The following ANGPTL1 variants were observed in gnomAD, a reference collection of about 807,000 sequenced individuals.
ANGPTL1 encodes angiopoietin-related protein 1.
Under a neutral mutation model 46.7 loss-of-function variants are expected in ANGPTL1, and 36 were observed. That is an observed-to-expected ratio of 0.77 (90% CI 0.59 to 1.02). The LOEUF (loss-of-function observed/expected upper bound fraction) is 1.02, where lower values mean the gene tolerates loss of function less well. Among genes scored for constraint, ANGPTL1 ranks in the 50% least tolerant of loss-of-function variants. The pLI is 0.00. For synonymous variants in ANGPTL1, 221 were observed against 204.3 expected (o/e 1.08, Z -0.69); for missense variants, 571 against 594.7 (o/e 0.96, Z 0.41).
At position 178,865,444 on chromosome 1, in the gene ANGPTL1, GT is replaced by G; in HGVS notation, c.332del (p.Asn111ThrfsTer3). 1.2e-6 allele frequency: 2 copies of G among 1,613,952 alleles called. No individual in the cohort carries two copies. Among genetic ancestry groups the G allele is most frequent in the Non-Finnish European group, 1.7e-6 (2 of 1,179,990 alleles). On this transcript the variant is annotated frameshift_variant, in exon 3 of 6. Coordinates refer to ENST00000234816, the MANE Select transcript of ANGPTL1 (RefSeq NM_004673.4). LOFTEE classifies it high-confidence loss of function. ...VLQLVVDVDGNIVNEVKLLRK... is the reference protein window; with the variant it reads ...VLQLVVDVDGXIVNEVKLLRK... ...TCAGCAGCTTTACCTCATTCACAAT[GT>G]TTCCATCTACATCCACCACCAGTTG...
chr1:178,855,919 C>T (rs955511803), intron 3 of ANGPTL1, among the ~76,000 whole-genome samples: 6 of 148,476 alleles, frequency 4.0e-5, no homozygotes, highest in Non-Finnish European at 7.4e-5. Flanking sequence ...TGTTAATACA[C>T]GAATTACATT....
At chr1:178,864,300 T>G (rs576495017) in intron 3 of ANGPTL1, among the ~76,000 whole-genome samples, 2 of 152,158 alleles carry the variant, frequency 1.3e-5, no homozygotes, top group African/African-American at 4.8e-5. Flanking sequence ...ATAATGAACA[T>G]TTATATTTCT....
intron 3 of ANGPTL1, among the ~76,000 whole-genome samples, chr1:178,855,306 T>C (rs1363224495): frequency 6.6e-6 from 1 of 151,618 alleles, no homozygotes; most frequent in African/African-American, 2.4e-5. Flanking sequence ...CTTTTTTTTT[T>C]TTTTTTTACT....
Position 178,865,762 on chromosome 1 carries a change from G to T in ANGPTL1, c.15C>A (p.Thr5=). 1 of 1,582,194 alleles carries T rather than the reference G, an allele frequency of 6.3e-7. No individual in the cohort carries two copies. The highest frequency in any genetic ancestry group is 8.6e-7 in the Non-Finnish European group (1 of 1,167,790). The change falls in exon 3 of 6, where the codon ACC becomes ACA. Residue 5 remains threonine, a synonymous_variant. Coordinates refer to ENST00000234816, the MANE Select transcript of ANGPTL1 (RefSeq NM_004673.4). ...GGAAGAATAGCACACCTAGGGTCCAGGTAAAAGTCTTCATTTTGAAATGAG... is the reference window on the plus strand; with the variant it reads ...GGAAGAATAGCACACCTAGGGTCCATGTAAAAGTCTTCATTTTGAAATGAG... MKTF[T]WTLGVLFFLL... is the part of the protein sequence containing the mutation.
chr1:178,854,123 T>A (rs534423781), intron 3 of ANGPTL1, among the ~76,000 whole-genome samples: 71 of 152,246 alleles, frequency 4.7e-4, no homozygotes, highest in African/African-American at 1.7e-3. Flanking sequence ...ATTGATATAT[T>A]TTTATCCTTC....
chr1:178,865,054 C>A lies in ANGPTL1; in HGVS notation c.723G>T (p.Arg241Ser). 1 of 1,508,892 alleles carries A rather than the reference C, an allele frequency of 6.6e-7. No individual in the cohort carries two copies. The allele number at this position is 1,508,892 out of a possible 1,614,324, so 93.5% of individuals were successfully genotyped here. A position where few individuals can be genotyped will look rare whatever the true frequency, so the allele number is the denominator to read the frequency against. The change falls in exon 3 of 6, where the codon AGG (arginine) becomes AGT (serine). Residue 241 changes from arginine to serine, a missense_variant. Physicochemically the swap from Arg to Ser is moderately radical, Grantham distance 110 (BLOSUM62 -1). Coordinates refer to ENST00000234816, the MANE Select transcript of ANGPTL1 (RefSeq NM_004673.4). Reference protein sequence around the residue: ...PGLLGGNEIQRDPGYPRDLMP... With the variant: ...PGLLGGNEIQSDPGYPRDLMP... ...TTAAATCTCTGGGATAACCTGGATC[C>A]CTCTGAATCTCGTTACCTCCCAGCA... is the stretch of plus-strand genomic sequence containing the variant.
rs1432188258 is a variant in ANGPTL1 at position 178,852,929 on chromosome 1, C to T, written c.1042G>A (p.Glu348Lys). ...YKKGFGNIDG[E>K]YWLGLENIYM... ...ATATTTTCCAGTCCAAGCCAGTATTCTCCGTCAATGTTTCCAAACCCTTTC... is the reference window on the plus strand; with the variant it reads ...ATATTTTCCAGTCCAAGCCAGTATTTTCCGTCAATGTTTCCAAACCCTTTC... Residue 348 changes from glutamate to lysine, a missense_variant, in exon 5 of 6, where the codon GAA becomes AAA. Transcript: ENST00000234816. 2 of 1,612,244 alleles carry T rather than the reference C, an allele frequency of 1.2e-6. No individual in the cohort carries two copies. The highest frequency in any genetic ancestry group is 1.7e-6 in the Non-Finnish European group (2 of 1,179,146).
At chr1:178,856,196 G>GATATATATATATAT (rs1449088390) in intron 3 of ANGPTL1, among the ~76,000 whole-genome samples, 3 of 41,054 alleles carry the variant, frequency 7.3e-5, no homozygotes, top group African/African-American at 3.1e-4. Context: ...TTTCCAGAGA[G>GATATATATATATAT]AGAGAGATAT....
intron 3 of ANGPTL1, among the ~76,000 whole-genome samples, chr1:178,860,911 C>T (rs1657959224): frequency 1.3e-5 from 2 of 152,070 alleles, no homozygotes; most frequent in African/African-American, 4.8e-5. Context: ...TTTTTCCAGA[C>T]AGATGTAAAA....
intron 3 of ANGPTL1, among the ~76,000 whole-genome samples, chr1:178,860,528 C>T (rs1327458690): frequency 6.6e-6 from 1 of 152,072 alleles, no homozygotes; most frequent in African/African-American, 2.4e-5. Flanking sequence ...CAGCCATCAC[C>T]ACCATCCTTC....
At chr1:178,861,992 C>T (rs910005867) in intron 3 of ANGPTL1, among the ~76,000 whole-genome samples, 10 of 152,066 alleles carry the variant, frequency 6.6e-5, no homozygotes, top group African/African-American at 2.4e-4. Context: ...CCTGCCTCAG[C>T]CTCCTGAATA....
chr1:178,852,375 C>T (rs966320193), intron 5 of ANGPTL1, among the ~76,000 whole-genome samples: 23 of 152,170 alleles, frequency 1.5e-4, no homozygotes, highest in African/African-American at 5.6e-4. Flanking sequence ...GTGCCTGGCA[C>T]GTGGTAGGTG....
Position 178,865,325 on chromosome 1 carries a change from A to G in ANGPTL1, c.452T>C (p.Leu151Pro), listed in dbSNP as rs561582298. ...IIRKRDNSLE[L>P]SQLENKILNV... Reference sequence around the variant, plus strand: ...GAGGATTTTGTTTTCCAGTTGGGAAAGTTCAAGTGAATTATCCCTCTTACG... The same window carrying G: ...GAGGATTTTGTTTTCCAGTTGGGAAGGTTCAAGTGAATTATCCCTCTTACG... Residue 151 changes from leucine to proline, a missense_variant, in exon 3 of 6, where the codon CTT (leucine) becomes CCT (proline). By Grantham distance (98) the Leu-to-Pro change is moderately conservative. Transcript: ENST00000234816. 4.3e-6 allele frequency: 7 copies of G among 1,614,022 alleles called. No individual in the cohort carries two copies. The highest frequency in any genetic ancestry group is 3.3e-5 in the South Asian group (3 of 91,058).
intron 3 of ANGPTL1, among the ~76,000 whole-genome samples, chr1:178,863,696 CA>C (rs1658186896): frequency 6.6e-6 from 1 of 152,012 alleles, no homozygotes; most frequent in Non-Finnish European, 1.5e-5. Flanking sequence ...TACTTGAAGC[CA>C]AAATACTCTA....
chr1:178,866,622 T>C (rs1018060382), intron 2 of ANGPTL1, among the ~76,000 whole-genome samples: 1 of 152,102 alleles, frequency 6.6e-6, no homozygotes, highest in African/African-American at 2.4e-5. Flanking sequence ...GGAAAGAAAC[T>C]TGTCTGTAAT....
At chr1:178,862,500 T>C (rs529317689) in intron 3 of ANGPTL1, among the ~76,000 whole-genome samples, 2 of 152,306 alleles carry the variant, frequency 1.3e-5, no homozygotes, top group South Asian at 4.1e-4. Context: ...AAATGTCTTA[T>C]GTATGTTACA....
At chr1:178,852,435 A>G (rs1657235224) in intron 5 of ANGPTL1, among the ~76,000 whole-genome samples, 1 of 152,100 alleles carries the variant, frequency 6.6e-6, no homozygotes, top group Non-Finnish European at 1.5e-5. Context: ...TTATTTCCAG[A>G]TTAATGTGTT....
At chr1:178,854,585 T>C (rs1657405117) in intron 3 of ANGPTL1, among the ~76,000 whole-genome samples, 1 of 152,136 alleles carries the variant, frequency 6.6e-6, no homozygotes, top group Non-Finnish European at 1.5e-5. Flanking sequence ...TCAATCTGTA[T>C]GACTAATAGT....
chr1:178,855,029 T>G (rs1039972497), intron 3 of ANGPTL1, among the ~76,000 whole-genome samples: 1 of 152,150 alleles, frequency 6.6e-6, no homozygotes, highest in Non-Finnish European at 1.5e-5. Flanking sequence ...ATAAAAATTC[T>G]GATTGTCAAA....
Sources: gnomAD v4.1 joint callset for allele counts (sites outside exome capture counted in the v4.1 genomes callset) on GRCh38, gnomAD v4.1.1 for gene constraint, MANE v1.5 for transcripts, NCBI Gene and HGNC (gene_info 2026-07-23, HGNC 2026-07-21) for gene names.